Variants in SLC22A3 observed in about 807,000 individuals in gnomAD.
SLC22A3 encodes EMT organic cation transporter 3.
In SLC22A3, 51 loss-of-function variants were observed where a neutral mutation model predicts 59.1. The ratio of observed to expected loss-of-function variants is 0.86; its 90% confidence interval spans 0.69 to 1.09. SLC22A3 has a LOEUF of 1.09. Among genes scored for constraint, SLC22A3 ranks in the 50% least tolerant of loss-of-function variants. SLC22A3 has a pLI of 0.00. For missense variants in SLC22A3, 711 were observed against 726.3 expected (o/e 0.98, Z 0.24); for synonymous variants, 325 against 292.0 (o/e 1.11, Z -1.15).
chr6:160,385,679 C>T (rs1006710147), intron 1 of SLC22A3, among the ~76,000 whole-genome samples: 1 of 152,208 alleles, frequency 6.6e-6, no homozygotes, highest in Admixed American at 6.5e-5. Context: ...CTCTGCCTTC[C>T]AGCCGACGCA....
chr6:160,410,682 G>T lies in SLC22A3; in HGVS notation c.858-47G>T, dbSNP rs145031513. 3 of 1,198,896 alleles carry T rather than the reference G, an allele frequency of 2.5e-6. No homozygotes were observed. The African/African-American group carries it at 4.5e-5, about 18-fold the overall frequency. 74.3% of individuals were successfully genotyped at this position (1,198,896 alleles called of 1,614,324 possible). ...AAAACTCAAGGCAATAGATTTTAGC[G>T]TTTGAAATTCCTAGACATAACTCAC... On this transcript the variant is annotated intron_variant, in intron 4 of 10. Transcript: ENST00000275300.
intron 1 of SLC22A3, among the ~76,000 whole-genome samples, chr6:160,395,731 CT>C (rs1786445049): frequency 6.6e-6 from 1 of 152,194 alleles, no homozygotes; most frequent in African/African-American, 2.4e-5. Context: ...TACATCTTGA[CT>C]GATCATCTCA....
rs548890697 is a variant in SLC22A3, at chr6:160,426,612, C to G, written c.976-10168C>G. Reference sequence around the variant, plus strand: ...ATCTTGTATTTCTTACTTTTTCACTCAACTATGTGTTTTAAGTGTCTACCC... The same window carrying G: ...ATCTTGTATTTCTTACTTTTTCACTGAACTATGTGTTTTAAGTGTCTACCC... On this transcript the variant is annotated intron_variant, in intron 5 of 10. Coordinates refer to ENST00000275300, the MANE Select transcript of SLC22A3 (RefSeq NM_021977.4). Among the ~76,000 whole-genome samples, 5 of 152,286 alleles carry G rather than the reference C, an allele frequency of 3.3e-5. No individual in the cohort carries two copies. The East Asian group carries it at 9.6e-4, about 29-fold the overall frequency.
Position 160,348,384 on chromosome 6 carries a change from A to C in SLC22A3, c.-36A>C, listed in dbSNP as rs766091529. ...CCGGCTGGGTCCGCGGGTCACTCCG[A>C]GGCGCGGGCTGCGGGCGGCGGGCGG... On this transcript the variant is annotated 5_prime_UTR_variant, in exon 1 of 11. Coordinates refer to ENST00000275300, the MANE Select transcript of SLC22A3 (RefSeq NM_021977.4). 7.0e-7 allele frequency: 1 copy of C among 1,424,446 alleles called. No homozygotes were observed. Among genetic ancestry groups the C allele is most frequent in the Non-Finnish European group, 9.1e-7 (1 of 1,096,964 alleles). 88.2% of individuals were successfully genotyped at this position (1,424,446 alleles called of 1,614,324 possible).
intron 5 of SLC22A3, among the ~76,000 whole-genome samples, chr6:160,427,548 C>T (rs373095342): frequency 7.2e-5 from 11 of 152,264 alleles, no homozygotes; most frequent in African/African-American, 1.9e-4. Flanking sequence ...CCTCAGCTGG[C>T]GAGTGGACAG....
intron 1 of SLC22A3, among the ~76,000 whole-genome samples, chr6:160,394,561 G>A (rs1270114229): frequency 6.6e-5 from 10 of 152,228 alleles, no homozygotes; most frequent in South Asian, 6.2e-4. Context: ...AAACACAAGC[G>A]TGTGTGGATG....
chr6:160,439,676 G>A (rs536347212), intron 7 of SLC22A3, among the ~76,000 whole-genome samples: 2 of 152,136 alleles, frequency 1.3e-5, no homozygotes, highest in Admixed American at 6.5e-5. Context: ...TTTCCTGATT[G>A]AAGCTTTAGA....
At chr6:160,390,906 A>C (rs980324442) in intron 1 of SLC22A3, among the ~76,000 whole-genome samples, 1 of 152,092 alleles carries the variant, frequency 6.6e-6, no homozygotes, top group Admixed American at 6.5e-5. Context: ...GGGCTCTAGG[A>C]GAGGGTCTGT....
At chr6:160,442,700 T>C (rs1379841101) in intron 7 of SLC22A3, 61 bp from the exon 8 acceptor site, 3 of 1,253,924 alleles carry the variant, frequency 2.4e-6, no homozygotes, top group Non-Finnish European at 3.5e-6. Flanking sequence ...TTTGTTGTTC[T>C]GTAAAATGTT....
chr6:160,368,477 CTG>C (rs1785283229), intron 1 of SLC22A3, among the ~76,000 whole-genome samples: 1 of 152,134 alleles, frequency 6.6e-6, no homozygotes, highest in Non-Finnish European at 1.5e-5. Flanking sequence ...TTAAGTTCAC[CTG>C]TCCACGCTTA....
At chr6:160,433,515 TCTACTACTA>T (rs3066966) in intron 5 of SLC22A3, among the ~76,000 whole-genome samples, 7 of 146,936 alleles carry the variant, frequency 4.8e-5, no homozygotes, top group South Asian at 2.2e-4. Flanking sequence ...AGACCCTGTC[TCTACTACTA>T]CTACTACTAC....
At chr6:160,416,246 G>A (rs1340967920) in intron 5 of SLC22A3, among the ~76,000 whole-genome samples, 1 of 152,108 alleles carries the variant, frequency 6.6e-6, no homozygotes, top group African/African-American at 2.4e-5. Flanking sequence ...TATAACTGTT[G>A]TTCACTAAAT....
chr6:160,386,917 A>G (rs1042963201), intron 1 of SLC22A3, among the ~76,000 whole-genome samples: 4 of 152,164 alleles, frequency 2.6e-5, no homozygotes, highest in Non-Finnish European at 5.9e-5. Context: ...CACACTTCCC[A>G]GGCCGCTTGG....
At chr6:160,431,880 T>C (rs942989017) in intron 5 of SLC22A3, among the ~76,000 whole-genome samples, 1 of 152,178 alleles carries the variant, frequency 6.6e-6, no homozygotes, top group African/African-American at 2.4e-5. Flanking sequence ...CTGGCTCGTG[T>C]GTCTGGAATT....
At chr6:160,385,574 C>A (rs1234622251) in intron 1 of SLC22A3, among the ~76,000 whole-genome samples, 1 of 152,206 alleles carries the variant, frequency 6.6e-6, no homozygotes, top group Non-Finnish European at 1.5e-5. Flanking sequence ...CAACACACAC[C>A]TGCACCCAGG....
intron 5 of SLC22A3, among the ~76,000 whole-genome samples, chr6:160,414,553 A>C (rs1195294251): frequency 6.6e-6 from 1 of 152,226 alleles, no homozygotes; most frequent in African/African-American, 2.4e-5. Context: ...TGGGTAATTT[A>C]TAAAGGAAAG....
chr6:160,401,522 A>G (rs1432434445), intron 2 of SLC22A3, among the ~76,000 whole-genome samples: 1 of 151,998 alleles, frequency 6.6e-6, no homozygotes, highest in Non-Finnish European at 1.5e-5. Context: ...GATGCCTTGT[A>G]ATAAATGTTA....
At chr6:160,419,445 C>T (rs1033319621) in intron 5 of SLC22A3, among the ~76,000 whole-genome samples, 1 of 152,128 alleles carries the variant, frequency 6.6e-6, no homozygotes, top group African/African-American at 2.4e-5. Context: ...TCTTTGTTAA[C>T]TGTTGTGTTT....
intron 1 of SLC22A3, among the ~76,000 whole-genome samples, chr6:160,379,203 A>C (rs1785707503): frequency 6.6e-6 from 1 of 152,212 alleles, no homozygotes; most frequent in African/African-American, 2.4e-5. Context: ...AGGGATAGTG[A>C]AACTCATTCT....
Sources: gnomAD v4.1 joint callset for allele counts (sites outside exome capture counted in the v4.1 genomes callset) on GRCh38, gnomAD v4.1.1 for gene constraint, MANE v1.5 for transcripts, NCBI Gene and HGNC (gene_info 2026-07-23, HGNC 2026-07-21) for gene names.